Variants in TBX18 observed in about 807,000 individuals in gnomAD.
TBX18 encodes T-box transcription factor 18.
A neutral mutation model predicts 55.0 loss-of-function variants in TBX18; 21 were observed. That is an observed-to-expected ratio of 0.38 (90% CI 0.27 to 0.55). The LOEUF (loss-of-function observed/expected upper bound fraction) is 0.55, where lower values mean the gene tolerates loss of function less well. Among genes scored for constraint, TBX18 ranks in the 20% least tolerant of loss-of-function variants. The pLI, the probability that TBX18 is intolerant of heterozygous loss-of-function variation, is 0.73. For missense variants in TBX18, 840 were observed against 799.6 expected, an observed-to-expected ratio of 1.05 and a Z score of -0.61; for synonymous variants, 342 against 326.1, an observed-to-expected ratio of 1.05 and a Z score of -0.53.
intron 6 of TBX18, among the ~76,000 whole-genome samples, chr6:84,740,612 C>CTAATG (rs1194724861): frequency 1.3e-5 from 2 of 152,238 alleles, no homozygotes; most frequent in East Asian, 3.9e-4. Flanking sequence ...TAACACTGGA[C>CTAATG]TAATGAACTC....
intron 3 of TBX18, 98 bp from the exon 4 acceptor site, chr6:84,756,967 T>C: frequency 8.4e-7 from 1 of 1,193,578 alleles, no homozygotes; most frequent in Admixed American, 2.6e-5. Context: ...TGTTTCAGTT[T>C]TAAAATAAAT....
chr6:84,763,976 C>T lies in TBX18; in HGVS notation c.206G>A (p.Gly69Glu), dbSNP rs1054944487. ...GGAGEKGSSE[G>E]DEGAALPPPA... ...CGGCGGGAGCGCAGCGCCTTCGTCT[C>T]CCTCAGAAGAACCCTTTTCGCCCGC... is the stretch of plus-strand genomic sequence containing the variant. The change falls in exon 1 of 8, where the codon GGA (glycine) becomes GAA (glutamate). Residue 69 changes from glycine to glutamate, a missense_variant. By Grantham distance (98) the Gly-to-Glu change is moderately conservative. Transcript: ENST00000369663. The T allele has an allele frequency of 3.7e-5, 58 of 1,582,266 alleles. No individual in the cohort carries two copies. The highest frequency in any genetic ancestry group is 4.9e-5 in the Non-Finnish European group (57 of 1,169,786).
At chr6:84,741,549 T>C (rs1023097459) in intron 6 of TBX18, 2 of 152,184 alleles carry the variant, frequency 1.3e-5, no homozygotes, top group African/African-American at 4.8e-5. Flanking sequence ...TGTGCAGCCA[T>C]AAATAGCCAG....
rs775888200 is a variant in TBX18, at chr6:84,764,021, C to T, written c.161G>A (p.Gly54Asp). ...EEAAGAVDDGGCSRGGGAGEK... is the reference protein window; with the variant it reads ...EEAAGAVDDGDCSRGGGAGEK... ...GCCCGCGCCGCCGCCGCGGCTGCAG[C>T]CTCCGTCGTCCACGGCCCCCGCCGC... The change falls in exon 1 of 8, where the codon GGC (glycine) becomes GAC (aspartate). Residue 54 changes from glycine to aspartate, a missense_variant. Coordinates refer to ENST00000369663, the MANE Select transcript of TBX18 (RefSeq NM_001080508.3). 3 of 1,555,846 alleles carry T rather than the reference C, an allele frequency of 1.9e-6. No homozygotes were observed. The South Asian group carries it at 3.5e-5, about 18-fold the overall frequency.
Position 84,762,549 on chromosome 6 carries a change from G to A in TBX18, c.492C>T (p.Ala164=), listed in dbSNP as rs114255455. ...EIGTEMIITK[A]GRRMFPAMRV... ...CACGCCAGCTTGCCCATTACCTGCCGGCCTTGGTGATGATCATCTCAGTGC... is the reference window on the plus strand; with the variant it reads ...CACGCCAGCTTGCCCATTACCTGCCAGCCTTGGTGATGATCATCTCAGTGC... The change falls in exon 2 of 8, where the codon GCC becomes GCT. Residue 164 remains alanine (A), a synonymous_variant. Transcript: ENST00000369663. 105 of 1,614,040 alleles carry A rather than the reference G, an allele frequency of 6.5e-5. No homozygotes were observed. In the East Asian group the frequency reaches 2.1e-3, roughly 32 times the overall value.
intron 1 of TBX18, chr6:84,763,212 A>C (rs1437726723): frequency 1.4e-5 from 5 of 362,906 alleles, no homozygotes; most frequent in South Asian, 1.1e-4. Context: ...GGGCCTCCTT[A>C]AGCCATAAGC....
intron 4 of TBX18, among the ~76,000 whole-genome samples, chr6:84,749,487 C>T (rs114504627): frequency 9.6e-5 from 14 of 145,298 alleles, no homozygotes; most frequent in Middle Eastern, 3.6e-3. Context: ...TTTTTTTTTT[C>T]TTTTTTTTTT....
chr6:84,756,660 T>TC, intron 4 of TBX18, 38 bp downstream of exon 4: 1 of 1,575,772 alleles, frequency 6.3e-7, no homozygotes, highest in Admixed American at 1.7e-5. Context: ...GATGTGGCTG[T>TC]GCCATCTACA....
chr6:84,756,620 C>A, intron 4 of TBX18, 78 bp downstream of exon 4: 1 of 1,317,786 alleles, frequency 7.6e-7, no homozygotes, highest in Non-Finnish European at 1.1e-6. Context: ...ATCTTAGAAG[C>A]ATTCATTTCC....
intron 4 of TBX18, among the ~76,000 whole-genome samples, chr6:84,750,786 C>T (rs1246463436): frequency 6.6e-6 from 1 of 152,132 alleles, no homozygotes; most frequent in Non-Finnish European, 1.5e-5. Context: ...TGAGCCCCAC[C>T]TGGTGTCTCA....
intron 6 of TBX18, among the ~76,000 whole-genome samples, chr6:84,738,827 G>A (rs1766963637): frequency 1.3e-5 from 2 of 152,100 alleles, no homozygotes; most frequent in Non-Finnish European, 2.9e-5. Context: ...AATGTTCTCA[G>A]GAAAACTCAG....
Position 84,762,561 on chromosome 6 carries a change from G to A in TBX18, c.480C>T (p.Ile160=). ...KRFHEIGTEM[I]ITKAGRRMFP... Reference sequence around the variant, plus strand: ...CCCATTACCTGCCGGCCTTGGTGATGATCATCTCAGTGCCTATCTCATGAA... The same window carrying A: ...CCCATTACCTGCCGGCCTTGGTGATAATCATCTCAGTGCCTATCTCATGAA... Residue 160 remains isoleucine, a synonymous_variant, in exon 2 of 8, where the codon ATC becomes ATT. Coordinates refer to ENST00000369663, the MANE Select transcript of TBX18 (RefSeq NM_001080508.3). The A allele has an allele frequency of 6.2e-7, 1 of 1,614,056 alleles. No individual in the cohort carries two copies. Among genetic ancestry groups the A allele is most frequent in the Non-Finnish European group, 8.5e-7 (1 of 1,180,022 alleles).
Position 84,737,050 on chromosome 6 carries a change from T to A in TBX18, c.1459A>T (p.Met487Leu). ...TFSCPQTSLS[M>L]QISGMSPQLQ... ...TGGGGGGACATTCCCGAAATCTGCA[T>A]GGATAAGCTGGTCTGTGGGCAGCTG... Residue 487 changes from methionine (M) to leucine (L), a missense_variant, in exon 8 of 8, where the codon ATG becomes TTG. Physicochemically the swap from Met to Leu is conservative, Grantham distance 15. Coordinates refer to ENST00000369663, the MANE Select transcript of TBX18 (RefSeq NM_001080508.3). 4 of 1,614,142 alleles carry A rather than the reference T, an allele frequency of 2.5e-6. No individual in the cohort carries two copies. The South Asian group carries it at 3.3e-5, about 13-fold the overall frequency.
chr6:84,753,399 T>C (rs1767402480), intron 4 of TBX18, among the ~76,000 whole-genome samples: 1 of 151,176 alleles, frequency 6.6e-6, no homozygotes, highest in Admixed American at 6.6e-5. Context: ...TGCTGCACAC[T>C]TGCACAGACT....
At chr6:84,746,607 ATT>A (rs1308345965) in intron 5 of TBX18, among the ~76,000 whole-genome samples, 1 of 146,874 alleles carries the variant, frequency 6.8e-6, no homozygotes, top group African/African-American at 2.5e-5. Flanking sequence ...TATCTTATAT[ATT>A]TATTATATTA....
At chr6:84,738,975 A>C (rs530207143) in intron 6 of TBX18, among the ~76,000 whole-genome samples, 18 of 152,214 alleles carry the variant, frequency 1.2e-4, no homozygotes, top group African/African-American at 4.1e-4. Flanking sequence ...TTCTCCCTCT[A>C]AGTGAGGAAG....
chr6:84,748,767 T>A (rs1033461720), intron 4 of TBX18, among the ~76,000 whole-genome samples: 1 of 152,182 alleles, frequency 6.6e-6, no homozygotes, highest in Non-Finnish European at 1.5e-5. Flanking sequence ...TGATTCCACA[T>A]CTGAGAATTT....
chr6:84,736,561 A>G lies in TBX18; in HGVS notation c.*124T>C, dbSNP rs188942641. On this transcript the variant is annotated 3_prime_UTR_variant, in exon 8 of 8. Coordinates refer to ENST00000369663, the MANE Select transcript of TBX18 (RefSeq NM_001080508.3). ...CATGATAAAGTCAAAAAACCCAGTG[A>G]GCCTTCATTTTCTATTATATGTACA... The G allele has an allele frequency of 1.3e-4, 151 of 1,163,424 alleles. 1 individual carries two copies. In the African/African-American group the frequency reaches 2.1e-3, roughly 16 times the overall value. 72.1% of individuals were successfully genotyped at this position (1,163,424 alleles called of 1,614,324 possible).
At position 84,756,796 on chromosome 6, in the gene TBX18, G is replaced by A. The variant is rs1767501740; in HGVS notation, c.673C>T (p.His225Tyr). 1 of 1,613,998 alleles carries A rather than the reference G, an allele frequency of 6.2e-7. No homozygotes were observed. The highest frequency in any genetic ancestry group is 8.5e-7 in the Non-Finnish European group (1 of 1,180,022). Residue 225 changes from histidine to tyrosine, a missense_variant, in exon 4 of 8, where the codon CAT becomes TAT. By Grantham distance (83) the His-to-Tyr change is moderately conservative. Transcript: ENST00000369663. ...TCCCCCGAGGCAGGCGAGTCTGGAT[G>A]AATGTACACACGGGGTGGCACAGGC... is the stretch of plus-strand genomic sequence containing the variant. ...DSPVPPRVYI[H>Y]PDSPASGETW...
Sources: gnomAD v4.1 joint callset for allele counts (sites outside exome capture counted in the v4.1 genomes callset) on GRCh38, gnomAD v4.1.1 for gene constraint, MANE v1.5 for transcripts, NCBI Gene and HGNC (gene_info 2026-07-23, HGNC 2026-07-21) for gene names.